SDK1: variants seen among roughly 807,000 people sequenced by gnomAD.
SDK1 encodes sidekick cell adhesion molecule 1.
Under a neutral mutation model 245.5 loss-of-function variants are expected in SDK1, and 157 were observed. The ratio of observed to expected loss-of-function variants is 0.64; its 90% confidence interval spans 0.56 to 0.73. The LOEUF is 0.73. Ranked by LOEUF, SDK1 falls within the 30% of genes least tolerant of loss-of-function variation. SDK1 has a pLI of 0.00. For missense variants in SDK1, 3,583 were observed against 3,002.3 expected (o/e 1.19, Z -4.52); for synonymous variants, 1,647 against 1,278.5 (o/e 1.29, Z -6.15).
chr7:3,394,201 C>G (rs1186342897), intron 1 of SDK1, among the ~76,000 whole-genome samples: 1 of 152,130 alleles, frequency 6.6e-6, no homozygotes, highest in Non-Finnish European at 1.5e-5. Flanking sequence ...TACTTCTCCC[C>G]CGACCCTCAT....
At chr7:4,020,824 T>C (rs577531141) in intron 17 of SDK1, among the ~76,000 whole-genome samples, 2 of 152,328 alleles carry the variant, frequency 1.3e-5, no homozygotes, top group African/African-American at 4.8e-5. Context: ...TTTTCATTTG[T>C]GAAACTGTGG....
intron 14 of SDK1, among the ~76,000 whole-genome samples, chr7:4,000,100 G>A (rs933154876): frequency 2.0e-5 from 3 of 152,190 alleles, no homozygotes; most frequent in Non-Finnish European, 2.9e-5. Context: ...GGTCATTCCC[G>A]AATTGCTGAT....
At chr7:3,876,027 A>G (rs1162111810) in intron 5 of SDK1, among the ~76,000 whole-genome samples, 1 of 152,094 alleles carries the variant, frequency 6.6e-6, no homozygotes, top group Non-Finnish European at 1.5e-5. Context: ...GCCTCTTGCC[A>G]TAGGTGGTGG....
intron 22 of SDK1, among the ~76,000 whole-genome samples, chr7:4,107,609 C>T (rs1048239245): frequency 4.6e-5 from 7 of 152,128 alleles, no homozygotes; most frequent in Non-Finnish European, 8.8e-5. Flanking sequence ...ACTCTGAAAC[C>T]GCTAAACCAT....
chr7:3,675,579 GTTT>G (rs1562648595), intron 4 of SDK1, among the ~76,000 whole-genome samples: 13 of 151,542 alleles, frequency 8.6e-5, no homozygotes, highest in African/African-American at 3.2e-4. Context: ...TTGTTTGTTT[GTTT>G]GTTTGTAAAG....
intron 1 of SDK1, among the ~76,000 whole-genome samples, chr7:3,566,723 A>G (rs1395441843): frequency 6.6e-6 from 1 of 150,814 alleles, no homozygotes; most frequent in African/African-American, 2.4e-5. Flanking sequence ...CTACTGCCAA[A>G]AAAAAAAAAA....
intron 4 of SDK1, chr7:3,643,879 C>T (rs1024020628): frequency 6.8e-6 from 1 of 147,924 alleles, no homozygotes; most frequent in Non-Finnish European, 1.5e-5. Flanking sequence ...ATTATTATTA[C>T]TATTAATAAT....
intron 22 of SDK1, among the ~76,000 whole-genome samples, chr7:4,101,426 C>A (rs921413976): frequency 6.6e-6 from 1 of 152,166 alleles, no homozygotes; most frequent in East Asian, 1.9e-4. Context: ...GGATTACAGG[C>A]GTGAGCCACC....
intron 1 of SDK1, among the ~76,000 whole-genome samples, chr7:3,593,232 T>C (rs921116336): frequency 2.6e-5 from 4 of 152,202 alleles, no homozygotes; most frequent in South Asian, 2.1e-4. Context: ...CTCTGGACTT[T>C]TGAAAAGTGG....
chr7:4,201,415 T>C (rs1783872538), intron 35 of SDK1, among the ~76,000 whole-genome samples: 1 of 152,196 alleles, frequency 6.6e-6, no homozygotes, highest in Non-Finnish European at 1.5e-5. Flanking sequence ...ATCTCACCAG[T>C]TTGCTTTGAT....
chr7:3,470,157 G>A (rs1030831473), intron 1 of SDK1, among the ~76,000 whole-genome samples: 1 of 152,116 alleles, frequency 6.6e-6, no homozygotes, highest in African/African-American at 2.4e-5. Context: ...GGTCTAGTTT[G>A]AATCTACATA....
chr7:3,438,200 C>G (rs796888482), intron 1 of SDK1, among the ~76,000 whole-genome samples: 5 of 152,184 alleles, frequency 3.3e-5, no homozygotes, highest in African/African-American at 1.2e-4. Flanking sequence ...ATAGTTAATA[C>G]TAAACTGAAC....
chr7:3,321,851 C>T (rs974699795), intron 1 of SDK1, among the ~76,000 whole-genome samples: 1 of 140,846 alleles, frequency 7.1e-6, no homozygotes, highest in African/African-American at 2.7e-5. Flanking sequence ...CTCTCTCTCT[C>T]TCTTTCTCTC....
At chr7:3,518,059 T>C (rs1185121980) in intron 1 of SDK1, among the ~76,000 whole-genome samples, 1 of 152,132 alleles carries the variant, frequency 6.6e-6, no homozygotes, top group Non-Finnish European at 1.5e-5. Context: ...TCAAAGCATT[T>C]ATTTTTCAAA....
At position 3,438,709 on chromosome 7, in the gene SDK1, T is replaced by G. The variant is rs187060493; in HGVS notation, c.298+136825T>G. ...CCCAAGTTTTTGATTCTTTCTTTCC[T>G]CAGTAAACTCTTAATCTTTCTGTCC... On this transcript the variant is annotated intron_variant, in intron 1 of 44. Coordinates refer to ENST00000404826, the MANE Select transcript of SDK1 (RefSeq NM_152744.4). 2.6e-4 allele frequency among the ~76,000 whole-genome samples: 39 copies of G among 152,320 alleles called. No individual in the cohort carries two copies. The East Asian group carries it at 6.2e-3, about 24-fold the overall frequency.
intron 21 of SDK1, among the ~76,000 whole-genome samples, chr7:4,079,158 A>G (rs773578666): frequency 9.2e-5 from 14 of 152,172 alleles, no homozygotes. Context: ...GCATCTGTTA[A>G]TTACCTACGA....
At chr7:3,583,482 A>G (rs897868539) in intron 1 of SDK1, among the ~76,000 whole-genome samples, 24 of 152,344 alleles carry the variant, frequency 1.6e-4, no homozygotes, top group African/African-American at 4.8e-4. Flanking sequence ...GAGCTAAGAC[A>G]TTGGAATCCA....
At chr7:3,942,035 T>A (rs563724804) in intron 5 of SDK1, among the ~76,000 whole-genome samples, 1 of 151,846 alleles carries the variant, frequency 6.6e-6, no homozygotes, top group Admixed American at 6.6e-5. Context: ...CAGCCTCCCG[T>A]AGCTGGGACT....
At chr7:3,863,839 C>T (rs368229572) in intron 5 of SDK1, among the ~76,000 whole-genome samples, 18 of 152,180 alleles carry the variant, frequency 1.2e-4, no homozygotes, top group East Asian at 3.8e-4. Flanking sequence ...TATTCCCTGA[C>T]GGGCGCTTGG....
Sources: gnomAD v4.1 joint callset for allele counts (sites outside exome capture counted in the v4.1 genomes callset) on GRCh38, gnomAD v4.1.1 for gene constraint, MANE v1.5 for transcripts, NCBI Gene and HGNC (gene_info 2026-07-23, HGNC 2026-07-21) for gene names.